Variants in ARIH1 observed in about 807,000 individuals in gnomAD.
ARIH1 encodes the protein E3 ubiquitin-protein ligase ARIH1.
Under a neutral mutation model 85.0 loss-of-function variants are expected in ARIH1, and 8 were observed. That is an observed-to-expected ratio of 0.09 (90% CI 0.06 to 0.17). The LOEUF is 0.17. Ranked by LOEUF, ARIH1 falls within the 10% of genes least tolerant of loss-of-function variation. The pLI is 1.00. For synonymous variants in ARIH1, 238 were observed against 253.6 expected (o/e 0.94, Z 0.59); for missense variants, 311 against 718.1 (o/e 0.43, Z 6.48).
At chr15:72,496,587 A>G (rs192880336) in intron 1 of ARIH1, among the ~76,000 whole-genome samples, 2 of 152,372 alleles carry the variant, frequency 1.3e-5, no homozygotes, top group Admixed American at 1.3e-4. Context: ...GCCTGTTGTG[A>G]TAATCAAGAA....
At chr15:72,504,955 CTA>C (rs1490569491) in intron 1 of ARIH1, among the ~76,000 whole-genome samples, 1 of 152,152 alleles carries the variant, frequency 6.6e-6, no homozygotes, top group Non-Finnish European at 1.5e-5. Flanking sequence ...GGAAGAAAAA[CTA>C]TACCTGAATT....
At chr15:72,561,006 C>G (rs2064195167) in intron 5 of ARIH1, among the ~76,000 whole-genome samples, 1 of 152,140 alleles carries the variant, frequency 6.6e-6, no homozygotes, top group Admixed American at 6.5e-5. Flanking sequence ...GAAGAAGGCT[C>G]TTAAAATTGT....
At chr15:72,478,173 T>C (rs1156249817) in intron 1 of ARIH1, among the ~76,000 whole-genome samples, 1 of 152,122 alleles carries the variant, frequency 6.6e-6, no homozygotes, top group Non-Finnish European at 1.5e-5. Flanking sequence ...TGGAGTGCAG[T>C]GGCGTGATCT....
intron 2 of ARIH1, among the ~76,000 whole-genome samples, chr15:72,540,080 A>C (rs1327151607): frequency 3.3e-5 from 5 of 152,054 alleles, no homozygotes; most frequent in Non-Finnish European, 5.9e-5. Context: ...CAATATGGTG[A>C]AACTCTGTCT....
At chr15:72,476,883 C>T (rs186992172) in intron 1 of ARIH1, among the ~76,000 whole-genome samples, 272 of 152,274 alleles carry the variant, frequency 1.8e-3, no homozygotes, top group African/African-American at 5.3e-3. Flanking sequence ...CTCTGAACAA[C>T]CTTCTGTCAA....
intron 1 of ARIH1, among the ~76,000 whole-genome samples, chr15:72,480,264 T>C (rs866318067): frequency 8.0e-6 from 1 of 125,336 alleles, no homozygotes; most frequent in Non-Finnish European, 1.7e-5. Flanking sequence ...AACCTTCAAA[T>C]TTTTTTTTTT....
chr15:72,475,071 G>C, intron 1 of ARIH1, 57 bp downstream of exon 1: 1 of 1,541,080 alleles, frequency 6.5e-7, no homozygotes, highest in Non-Finnish European at 8.8e-7. Context: ...GGATTCAGGC[G>C]GCACGCGCGG....
At chr15:72,539,147 A>G (rs1595864860) in intron 2 of ARIH1, among the ~76,000 whole-genome samples, 1 of 152,204 alleles carries the variant, frequency 6.6e-6, no homozygotes, top group South Asian at 2.1e-4. Flanking sequence ...TGCCTCAACT[A>G]CAGTGCTTTA....
At chr15:72,557,692 A>G (rs1295570971) in intron 5 of ARIH1, among the ~76,000 whole-genome samples, 1 of 152,162 alleles carries the variant, frequency 6.6e-6, no homozygotes, top group African/African-American at 2.4e-5. Flanking sequence ...CTCTTACATT[A>G]AAGTATTTAA....
chr15:72,515,609 T>C (rs1268862511), intron 1 of ARIH1, among the ~76,000 whole-genome samples: 1 of 152,244 alleles, frequency 6.6e-6, no homozygotes, highest in African/African-American at 2.4e-5. Flanking sequence ...CTATTTAGTT[T>C]ATACCTGCAA....
chr15:72,490,109 T>C (rs1327165658), intron 1 of ARIH1, among the ~76,000 whole-genome samples: 1 of 151,804 alleles, frequency 6.6e-6, no homozygotes, highest in East Asian at 1.9e-4. Flanking sequence ...AAGCGTGTAA[T>C]CCCAGCACTT....
chr15:72,577,456 T>C (rs2064276761), intron 11 of ARIH1, among the ~76,000 whole-genome samples: 1 of 152,032 alleles, frequency 6.6e-6, no homozygotes, highest in Non-Finnish European at 1.5e-5. Context: ...GCAGATTGCC[T>C]GAGGTTGGGA....
chr15:72,540,980 C>T (rs1181732619), intron 2 of ARIH1, among the ~76,000 whole-genome samples: 1 of 152,124 alleles, frequency 6.6e-6, no homozygotes, highest in African/African-American at 2.4e-5. Context: ...GTGGGGGCGA[C>T]AAAGTCCAGC....
chr15:72,482,565 TAATG>T (rs1023296547), intron 1 of ARIH1, among the ~76,000 whole-genome samples: 1 of 152,170 alleles, frequency 6.6e-6, no homozygotes, highest in African/African-American at 2.4e-5. Context: ...TGCTGGATAA[TAATG>T]TAGAACCTGG....
At chr15:72,509,171 A>G (rs990457586) in intron 1 of ARIH1, among the ~76,000 whole-genome samples, 4 of 151,784 alleles carry the variant, frequency 2.6e-5, no homozygotes, top group Non-Finnish European at 5.9e-5. Context: ...TTATATTTTT[A>G]GTAGAGACAA....
At chr15:72,570,912 T>C (rs1272591697) in intron 10 of ARIH1, among the ~76,000 whole-genome samples, 1 of 152,136 alleles carries the variant, frequency 6.6e-6, no homozygotes, top group Admixed American at 6.5e-5. Flanking sequence ...GTGGATCACC[T>C]GAGGTCGGGA....
chr15:72,497,802 A>C (rs564585282), intron 1 of ARIH1, among the ~76,000 whole-genome samples: 6 of 152,278 alleles, frequency 3.9e-5, no homozygotes, highest in African/African-American at 1.4e-4. Flanking sequence ...TCTTCAGTGA[A>C]GATTGTTGGG....
chr15:72,544,887 C>T lies in ARIH1; in HGVS notation c.511C>T (p.Arg171Ter), dbSNP rs746505361. ...CHVINPSKKSRTRQMNTRSSA... is the reference protein window; with the variant it reads ...CHVINPSKKS Reference sequence around the variant, plus strand: ...TGTAATTAATCCAAGTAAAAAGTCTCGAACACGCCAGATGAATACAAGGTC... The same window carrying T: ...TGTAATTAATCCAAGTAAAAAGTCTTGAACACGCCAGATGAATACAAGGTC... The change falls in exon 3 of 14, where the codon CGA (arginine) becomes TGA (stop). Residue 171 changes from arginine (R) to a stop codon, truncating the protein, a stop_gained. Coordinates refer to ENST00000379887, the MANE Select transcript of ARIH1 (RefSeq NM_005744.5). LOFTEE classifies it high-confidence loss of function. 1 of 1,613,612 alleles carries T rather than the reference C, an allele frequency of 6.2e-7. No homozygotes were observed. The highest frequency in any genetic ancestry group is 8.5e-7 in the Non-Finnish European group (1 of 1,179,624).
At chr15:72,567,627 TTTC>T (rs2064226837) in intron 9 of ARIH1, among the ~76,000 whole-genome samples, 1 of 152,264 alleles carries the variant, frequency 6.6e-6, no homozygotes, top group East Asian at 1.9e-4. Context: ...CAAAATTCAC[TTTC>T]TTAACCCCAG....
Sources: gnomAD v4.1 joint callset for allele counts (sites outside exome capture counted in the v4.1 genomes callset) on GRCh38, gnomAD v4.1.1 for gene constraint, MANE v1.5 for transcripts, NCBI Gene and HGNC (gene_info 2026-07-23, HGNC 2026-07-21) for gene names.